Variants in CREBBP observed in about 807,000 individuals in gnomAD.
The protein encoded by CREBBP is CREB-binding protein.
CREBBP carries 19 observed loss-of-function variants against 265.0 expected under a neutral mutation model. The observed-to-expected ratio is 0.07, with a 90% CI of 0.05 to 0.11. The LOEUF is 0.11. Among genes scored for constraint, CREBBP ranks in the 10% least tolerant of loss-of-function variants. The pLI, the probability that CREBBP is intolerant of heterozygous loss-of-function variation, is 1.00. For missense variants in CREBBP, 2,525 were observed against 3,219.0 expected (o/e 0.78, Z 5.22); for synonymous variants, 1,457 against 1,223.7 (o/e 1.19, Z -3.98).
chr16:3,749,724 T>C (rs773609163), intron 20 of CREBBP, 41 bp from the exon 21 acceptor site: 3 of 1,363,638 alleles, frequency 2.2e-6, no homozygotes, highest in South Asian at 2.4e-5. Flanking sequence ...TAACTAAAAT[T>C]TATCTGTTGA....
intron 8 of CREBBP, among the ~76,000 whole-genome samples, 189 bp downstream of exon 8, chr16:3,780,543 G>A (rs1279114852): frequency 2.6e-5 from 4 of 152,146 alleles, no homozygotes; most frequent in Admixed American, 2.0e-4. Context: ...TGTCACCCCC[G>A]CTCACCGAGG....
intron 1 of CREBBP, among the ~76,000 whole-genome samples, chr16:3,869,141 C>T (rs776287515): frequency 6.6e-6 from 1 of 152,164 alleles, no homozygotes; most frequent in Non-Finnish European, 1.5e-5. Flanking sequence ...TCAGTGCTAA[C>T]GTCACAGCCC....
chr16:3,736,132 G>A lies in CREBBP; in HGVS notation c.4632C>T (p.Phe1544=). Residue 1544 remains phenylalanine (F), a synonymous_variant, in exon 28 of 31, where the codon TTC becomes TTT. Transcript: ENST00000262367. ...AKELPYFEGD[F]WPNVLEESIK... Reference sequence around the variant, plus strand: ...TGCTCTCTTCTAACACATTGGGCCAGAAATCACCTTCAAAATAGGGCAGTT... The same window carrying A: ...TGCTCTCTTCTAACACATTGGGCCAAAAATCACCTTCAAAATAGGGCAGTT... 6.2e-7 allele frequency: 1 copy of A among 1,614,180 alleles called. No individual in the cohort carries two copies. The highest frequency in any genetic ancestry group is 8.5e-7 in the Non-Finnish European group (1 of 1,180,024).
At chr16:3,749,745 T>C (rs951018947) in intron 20 of CREBBP, 62 bp from the exon 21 acceptor site, 8 of 1,091,254 alleles carry the variant, frequency 7.3e-6, no homozygotes, top group African/African-American at 1.6e-5. Flanking sequence ...GTATAAACTA[T>C]AGGGTCTCTG....
At position 3,758,951 on chromosome 16, in the gene CREBBP, C is replaced by T; in HGVS notation, c.3272G>A (p.Arg1091His). The T allele has an allele frequency of 6.2e-7, 1 of 1,612,902 alleles. No individual in the cohort carries two copies. The highest frequency in any genetic ancestry group is 8.5e-7 in the Non-Finnish European group (1 of 1,179,794). The change falls in exon 17 of 31, where the codon CGC becomes CAC. Residue 1091 changes from arginine (R) to histidine (H), a missense_variant. Arg to His is a conservative substitution (Grantham distance 29). Around this residue, in one of 19 missense-constraint regions of CREBBP, gnomAD observed 12 missense variants for 24.9 expected, o/e 0.48. Transcript: ENST00000262367. Reference protein sequence around the residue: ...RKKIFKPEELRQALMPTLEAL... With the variant: ...RKKIFKPEELHQALMPTLEAL... The stretch of plus-strand genomic sequence containing the variant: ...TTCTAGGGTTGGCATGAGGGCCTGG[C>T]GTAACTCCTCTGGTTTAAAGACTGC...
rs1230638928 is a variant in CREBBP at position 3,727,789 on chromosome 16, G to A, written c.7258C>T (p.Leu2420=). ...PQLNTPSRSA[L]SSELSLVGDT... ...CCGACCAGGGACAGTTCGCTGGACA[G>A]CGCACTCCTGCTGGGGGTGTTCAGC... is the stretch of plus-strand genomic sequence containing the variant. Residue 2420 remains leucine, a synonymous_variant, in exon 31 of 31, where the codon CTG becomes TTG. Transcript: ENST00000262367. 20 of 1,614,074 alleles carry A rather than the reference G, an allele frequency of 1.2e-5. No individual in the cohort carries two copies. The highest frequency in any genetic ancestry group is 1.6e-5 in the Non-Finnish European group (19 of 1,180,044).
rs129967 is a variant in CREBBP, at chr16:3,739,536, G to C, written c.4280+42C>G. ...TAAGAGCCCTGGTCTATCCTAACAC[G>C]GCTCACTGAATGACACGCCCTGGAA... On this transcript the variant is annotated intron_variant, in intron 25 of 30. Coordinates refer to ENST00000262367, the MANE Select transcript of CREBBP (RefSeq NM_004380.3). 3.1e-6 allele frequency: 5 copies of C among 1,613,132 alleles called. No homozygotes were observed. In the South Asian group the frequency reaches 4.4e-5, roughly 14 times the overall value.
Position 3,729,356 on chromosome 16 carries a change from G to A in CREBBP, c.5691C>T (p.Pro1897=), listed in dbSNP as rs2051847975. Residue 1897 remains proline (P), a synonymous_variant, in exon 31 of 31, where the codon CCC becomes CCT. Coordinates refer to ENST00000262367, the MANE Select transcript of CREBBP (RefSeq NM_004380.3). The part of the protein sequence containing the change: ...SAPPGTPTQQ[P]STPQTPQPPA... ...GGGGCTGCGGCGTCTGGGGTGTGCT[G>A]GGCTGCTGTGTGGGGGTCCCGGGCG... The A allele has an allele frequency of 5.6e-6, 9 of 1,604,194 alleles. No individual in the cohort carries two copies. The highest frequency in any genetic ancestry group is 7.6e-6 in the Non-Finnish European group (9 of 1,178,200).
Position 3,728,405 on chromosome 16 carries a change from C to G in CREBBP, c.6642G>C (p.Gln2214His). Residue 2214 changes from glutamine to histidine, a missense_variant, in exon 31 of 31, where the codon CAG becomes CAC. By Grantham distance (24) the Gln-to-His change is conservative. Transcript: ENST00000262367. The surrounding 1 kb of genome is among the most constrained non-coding windows in gnomAD (Gnocchi z 8.7). ...QQQQQQQQQQ[Q>H]QQGSAGMAGG... The stretch of plus-strand genomic sequence containing the variant: ...CAGCCATGCCGGCACTCCCTTGCTG[C>G]TGCTGCTGTTGCTGCTGTTGTTGCT... 6.2e-7 allele frequency: 1 copy of G among 1,613,526 alleles called. No individual in the cohort carries two copies. The highest frequency in any genetic ancestry group is 1.7e-4 in the Middle Eastern group (1 of 6,058).
intron 2 of CREBBP, among the ~76,000 whole-genome samples, chr16:3,849,455 G>GACC (rs2054773397): frequency 1.1e-5 from 1 of 90,106 alleles, no homozygotes; most frequent in African/African-American, 3.4e-5. Flanking sequence ...GTGTGTGTGT[G>GACC]TGTGTGTGTG....
chr16:3,755,649 G>A (rs541424907), intron 19 of CREBBP, among the ~76,000 whole-genome samples: 44 of 152,230 alleles, frequency 2.9e-4, no homozygotes, highest in African/African-American at 9.6e-4. Flanking sequence ...AAAAGGAGTG[G>A]CCAGAACTTC....
chr16:3,763,362 T>C (rs2151394017), intron 16 of CREBBP, among the ~76,000 whole-genome samples: 1 of 152,298 alleles, frequency 6.6e-6, no homozygotes, highest in South Asian at 2.1e-4. Flanking sequence ...GGTCTCACCA[T>C]GTTGCCCAGG....
chr16:3,774,842 G>A, intron 11 of CREBBP, 149 bp from the exon 12 acceptor site: 1 of 1,080,906 alleles, frequency 9.3e-7, no homozygotes, highest in African/African-American at 1.6e-5. Context: ...CAATGAAGAT[G>A]ATGAAGGAAC....
chr16:3,737,725 A>C (rs1424311064), intron 26 of CREBBP, among the ~76,000 whole-genome samples: 2 of 150,026 alleles, frequency 1.3e-5, no homozygotes, highest in African/African-American at 4.9e-5. Context: ...TGGCCTCCCA[A>C]AGTACTAGGA....
chr16:3,862,915 CAT>C (rs769337128), intron 1 of CREBBP, among the ~76,000 whole-genome samples: 42 of 152,190 alleles, frequency 2.8e-4, no homozygotes, highest in Non-Finnish European at 3.2e-4. Context: ...AAATATTCTT[CAT>C]GTCACAGAAG....
chr16:3,738,485 T>C lies in CREBBP; in HGVS notation c.4394+74A>G. On this transcript the variant is annotated intron_variant, in intron 26 of 30. Transcript: ENST00000262367. Reference sequence around the variant, plus strand: ...AAACGCATAAAACTTAAAATACCCATTATTTCACGGAATAAACATACAGTA... The same window carrying C: ...AAACGCATAAAACTTAAAATACCCACTATTTCACGGAATAAACATACAGTA... 5.6e-6 allele frequency: 5 copies of C among 898,858 alleles called. No homozygotes were observed. In the South Asian group the frequency reaches 7.0e-5, roughly 13 times the overall value. 55.7% of individuals were successfully genotyped at this position (898,858 alleles called of 1,614,324 possible).
At chr16:3,790,601 C>T (rs2053485596) in intron 5 of CREBBP, among the ~76,000 whole-genome samples, 1 of 152,050 alleles carries the variant, frequency 6.6e-6, no homozygotes, top group Non-Finnish European at 1.5e-5. Flanking sequence ...CTGCCCGCCT[C>T]GGCCTCCCAA....
At chr16:3,800,220 C>A (rs2053684962) in intron 3 of CREBBP, among the ~76,000 whole-genome samples, 1 of 152,100 alleles carries the variant, frequency 6.6e-6, no homozygotes, top group African/African-American at 2.4e-5. Flanking sequence ...TGGGCTCAAG[C>A]GATCCTCTCA....
rs111340924 is a variant in CREBBP, at chr16:3,767,946, A to C, written c.3061-37T>G. On this transcript the variant is annotated intron_variant, in intron 15 of 30. Coordinates refer to ENST00000262367, the MANE Select transcript of CREBBP (RefSeq NM_004380.3). The stretch of plus-strand genomic sequence containing the variant: ...CATTACAGATAACATATGAATATCA[A>C]ACACCTTTATGTTACCGCAACCTCA... The C allele has an allele frequency of 5.6e-6, 9 of 1,601,300 alleles. No individual in the cohort carries two copies. The African/African-American group carries it at 8.0e-5, about 14-fold the overall frequency.
Sources: gnomAD v4.1 joint callset for allele counts (sites outside exome capture counted in the v4.1 genomes callset) on GRCh38, gnomAD v4.1.1 for gene constraint, gnomAD v4.1.1 regional missense constraint, Gnocchi (gnomAD v3.1) non-coding constraint, MANE v1.5 for transcripts, NCBI Gene and HGNC (gene_info 2026-07-23, HGNC 2026-07-21) for gene names.